Variants in PTPN13 observed in about 807,000 individuals in gnomAD.
PTPN13 encodes tyrosine-protein phosphatase non-receptor type 13.
PTPN13 carries 191 observed loss-of-function variants against 284.0 expected under a neutral mutation model. The observed-to-expected ratio is 0.67, with a 90% CI of 0.60 to 0.76. The LOEUF is 0.76. Among genes scored for constraint, PTPN13 ranks in the 30% least tolerant of loss-of-function variants. The pLI, the probability that PTPN13 is intolerant of heterozygous loss-of-function variation, is 0.00. For synonymous variants in PTPN13, 986 were observed against 1,022.3 expected (o/e 0.96, Z 0.68); for missense variants, 2,797 against 2,939.9 (o/e 0.95, Z 1.12).
At chr4:86,678,549 A>G (rs1310456007) in intron 3 of PTPN13, among the ~76,000 whole-genome samples, 1 of 152,232 alleles carries the variant, frequency 6.6e-6, no homozygotes. Flanking sequence ...ATGTAAAGCT[A>G]CTTATTAGAT....
At chr4:86,623,774 C>T (rs1383981223) in intron 1 of PTPN13, among the ~76,000 whole-genome samples, 3 of 152,148 alleles carry the variant, frequency 2.0e-5, no homozygotes, top group East Asian at 1.9e-4. Context: ...TAGAACTTTG[C>T]TCAAATGACA....
At chr4:86,695,369 T>A (rs1323483852) in intron 6 of PTPN13, among the ~76,000 whole-genome samples, 1 of 152,092 alleles carries the variant, frequency 6.6e-6, no homozygotes, top group Non-Finnish European at 1.5e-5. Flanking sequence ...TTTGTCACTT[T>A]CTTTTTGTAG....
chr4:86,805,708 G>C (rs1371290488), intron 44 of PTPN13, among the ~76,000 whole-genome samples: 1 of 151,996 alleles, frequency 6.6e-6, no homozygotes, highest in Non-Finnish European at 1.5e-5. Flanking sequence ...GATTTTCTTG[G>C]TTGGATTCAT....
At chr4:86,720,107 A>C (rs1733491611) in intron 9 of PTPN13, among the ~76,000 whole-genome samples, 1 of 151,588 alleles carries the variant, frequency 6.6e-6, no homozygotes, top group Non-Finnish European at 1.5e-5. Flanking sequence ...CCAATTGAAA[A>C]CTCTTGCTTT....
intron 37 of PTPN13, among the ~76,000 whole-genome samples, chr4:86,783,114 G>GA (rs1166118145): frequency 1.3e-5 from 2 of 152,118 alleles, no homozygotes; most frequent in Non-Finnish European, 2.9e-5. Context: ...TGTGGGAGGA[G>GA]AAAAATAATT....
intron 2 of PTPN13, among the ~76,000 whole-genome samples, chr4:86,650,400 C>T (rs1724954602): frequency 6.6e-6 from 1 of 152,186 alleles, no homozygotes; most frequent in Non-Finnish European, 1.5e-5. Flanking sequence ...CAGCCTCTGC[C>T]TCCTAGGCTC....
chr4:86,813,268 C>T (rs1745436786), intron 47 of PTPN13, among the ~76,000 whole-genome samples: 1 of 152,102 alleles, frequency 6.6e-6, no homozygotes, highest in Admixed American at 6.5e-5. Flanking sequence ...TGTTTTATTA[C>T]TTTTCATTTA....
intron 1 of PTPN13, among the ~76,000 whole-genome samples, chr4:86,607,009 A>G (rs1764819409): frequency 6.6e-6 from 1 of 151,928 alleles, no homozygotes; most frequent in Non-Finnish European, 1.5e-5. Flanking sequence ...TGGAGCACTT[A>G]GCATTCTTTT....
At chr4:86,615,180 T>C (rs1467028820) in intron 1 of PTPN13, among the ~76,000 whole-genome samples, 1 of 152,172 alleles carries the variant, frequency 6.6e-6, no homozygotes, top group African/African-American at 2.4e-5. Context: ...AGATGGCATA[T>C]GCTATTGCAT....
At chr4:86,736,017 T>C (rs1039017896) in intron 15 of PTPN13, among the ~76,000 whole-genome samples, 1 of 152,222 alleles carries the variant, frequency 6.6e-6, no homozygotes, top group African/African-American at 2.4e-5. Flanking sequence ...TTTTATCTTA[T>C]TCCATACTCA....
intron 37 of PTPN13, among the ~76,000 whole-genome samples, chr4:86,783,566 C>G (rs771741222): frequency 1.5e-3 from 191 of 123,556 alleles, no homozygotes; most frequent in Non-Finnish European, 2.1e-3. Context: ...ATACTGTGTC[C>G]TTGAATGCTA....
intron 1 of PTPN13, among the ~76,000 whole-genome samples, chr4:86,620,716 C>A (rs1245533389): frequency 1.3e-5 from 2 of 152,178 alleles, no homozygotes; most frequent in South Asian, 4.1e-4. Flanking sequence ...GTATAGTTTA[C>A]ATTTTCTAAC....
At chr4:86,723,679 T>G (rs1733921267) in intron 10 of PTPN13, among the ~76,000 whole-genome samples, 1 of 152,232 alleles carries the variant, frequency 6.6e-6, no homozygotes, top group South Asian at 2.1e-4. Flanking sequence ...AGTTTTTGCT[T>G]CCTATGATCG....
Position 86,727,340 on chromosome 4 carries a change from G to A in PTPN13, c.1608+4906G>A, listed in dbSNP as rs772063473. Among the ~76,000 whole-genome samples the A allele has an allele frequency of 8.0e-5, 12 of 149,588 alleles. 1 individual carries two copies. The highest frequency in any genetic ancestry group is 1.4e-4 in the Non-Finnish European group (9 of 66,634). On this transcript the variant is annotated intron_variant, in intron 10 of 47. Coordinates refer to ENST00000411767, the MANE Select transcript of PTPN13 (RefSeq NM_080683.3). The stretch of plus-strand genomic sequence containing the variant: ...ATGCTGGCCTCATAAAATGAGTTAG[G>A]GAGGATTCCCTCTTTTTCTATTCAT...
intron 6 of PTPN13, among the ~76,000 whole-genome samples, chr4:86,699,422 A>G (rs1730918720): frequency 6.6e-6 from 1 of 152,064 alleles, no homozygotes; most frequent in African/African-American, 2.4e-5. Flanking sequence ...GGTAGTATAG[A>G]ATTACTCATG....
chr4:86,672,530 C>G lies in PTPN13; in HGVS notation c.281C>G (p.Ser94Ter). The G allele has an allele frequency of 6.2e-7, 1 of 1,603,782 alleles. No individual in the cohort carries two copies. The highest frequency in any genetic ancestry group is 1.1e-5 in the South Asian group (1 of 88,962). ...VLQNQSLTSL[S>*]DVEKIHIYSL... ...CAAAATCAGTCACTAACTTCTCTCT[C>G]AGATGTTGAAAAGGTAACTGTTAAA... The change falls in exon 3 of 48, where the codon TCA (serine) becomes TGA (stop). Residue 94 changes from serine to a stop codon, truncating the protein, a stop_gained. Transcript: ENST00000411767. LOFTEE classifies it high-confidence loss of function.
intron 6 of PTPN13, among the ~76,000 whole-genome samples, chr4:86,698,731 G>C (rs1730825409): frequency 6.6e-6 from 1 of 152,156 alleles, no homozygotes; most frequent in Admixed American, 6.5e-5. Flanking sequence ...TTGGCAAGCA[G>C]AGATCATTGG....
At chr4:86,779,361 G>C (rs1741027078) in intron 35 of PTPN13, among the ~76,000 whole-genome samples, 1 of 150,918 alleles carries the variant, frequency 6.6e-6, no homozygotes, top group African/African-American at 2.4e-5. Flanking sequence ...AGCTTGCAGT[G>C]AGCCGAGATA....
chr4:86,701,861 TAAAG>T (rs1578446647), intron 7 of PTPN13, 60 bp downstream of exon 7: 34 of 1,438,894 alleles, frequency 2.4e-5, no homozygotes, highest in African/African-American at 4.3e-5. Context: ...TTTTTTGAAA[TAAAG>T]AAGGGTTATT....
Sources: gnomAD v4.1 joint callset for allele counts (sites outside exome capture counted in the v4.1 genomes callset) on GRCh38, gnomAD v4.1.1 for gene constraint, MANE v1.5 for transcripts, NCBI Gene and HGNC (gene_info 2026-07-23, HGNC 2026-07-21) for gene names.